Variants in ARHGEF28 observed in about 807,000 individuals in gnomAD.
ARHGEF28 encodes Rho guanine nucleotide exchange factor 28.
ARHGEF28 carries 152 observed loss-of-function variants against 206.6 expected under a neutral mutation model. The observed-to-expected ratio is 0.74, with a 90% CI of 0.64 to 0.84. The LOEUF (loss-of-function observed/expected upper bound fraction) is 0.84, where lower values mean the gene tolerates loss of function less well. Ranked by LOEUF, ARHGEF28 falls within the 40% of genes least tolerant of loss-of-function variation. The probability of loss-of-function intolerance (pLI) is 0.00; values close to 1 mark genes in which losing one functional copy is unlikely to be tolerated. For synonymous variants in ARHGEF28, 763 were observed against 776.4 expected, an observed-to-expected ratio of 0.98 and a Z score of 0.29; for missense variants, 2,028 against 2,073.2, an observed-to-expected ratio of 0.98 and a Z score of 0.42.
intron 35 of ARHGEF28, chr5:73,923,299 T>C (rs1763623106): frequency 2.5e-6 from 2 of 789,294 alleles, no homozygotes; most frequent in South Asian, 4.3e-5. Context: ...AAAAATCAAA[T>C]ACTAAATTTG....
chr5:73,738,210 T>C (rs1395395006), intron 2 of ARHGEF28, among the ~76,000 whole-genome samples: 2 of 152,066 alleles, frequency 1.3e-5, no homozygotes, highest in Non-Finnish European at 2.9e-5. Flanking sequence ...TCTTCCCCAC[T>C]AGTAGCTTGG....
intron 35 of ARHGEF28, among the ~76,000 whole-genome samples, chr5:73,929,762 G>C (rs887733359): frequency 1.3e-5 from 2 of 151,992 alleles, no homozygotes; most frequent in African/African-American, 4.8e-5. Context: ...CCTACTTAGG[G>C]TTAGCAAATA....
intron 9 of ARHGEF28, among the ~76,000 whole-genome samples, chr5:73,802,161 G>T (rs1200926724): frequency 1.3e-5 from 2 of 152,136 alleles, no homozygotes; most frequent in South Asian, 2.1e-4. Context: ...GCAAACTTTG[G>T]GGGGAAAAAG....
chr5:73,887,806 T>C, intron 26 of ARHGEF28, 127 bp downstream of exon 26: 1 of 790,908 alleles, frequency 1.3e-6, no homozygotes, highest in South Asian at 2.1e-5. Flanking sequence ...ATGTTTCCAT[T>C]ATTACTTGTG....
chr5:73,894,082 T>A (rs915617397), intron 28 of ARHGEF28, among the ~76,000 whole-genome samples: 2 of 152,202 alleles, frequency 1.3e-5, no homozygotes, highest in African/African-American at 4.8e-5. Context: ...TAATGTTTAG[T>A]CTTAATAGAA....
intron 22 of ARHGEF28, among the ~76,000 whole-genome samples, chr5:73,879,283 T>C (rs567292382): frequency 1.3e-5 from 2 of 152,344 alleles, no homozygotes; most frequent in Non-Finnish European, 2.9e-5. Flanking sequence ...CATCAGCTCC[T>C]TTAAACACTT....
At chr5:73,852,341 A>C (rs1362758926) in intron 13 of ARHGEF28, among the ~76,000 whole-genome samples, 2 of 152,222 alleles carry the variant, frequency 1.3e-5, no homozygotes, top group African/African-American at 4.8e-5. Flanking sequence ...AAAGTATCCA[A>C]AAAGATAGAG....
chr5:73,936,917 T>C (rs1764453504), intron 35 of ARHGEF28, among the ~76,000 whole-genome samples: 1 of 152,108 alleles, frequency 6.6e-6, no homozygotes, highest in Non-Finnish European at 1.5e-5. Context: ...TGCACTGAGA[T>C]GATAGTCTGG....
At chr5:73,767,520 C>CT (rs1258810567) in intron 4 of ARHGEF28, among the ~76,000 whole-genome samples, 2 of 152,114 alleles carry the variant, frequency 1.3e-5, no homozygotes, top group Admixed American at 6.5e-5. Context: ...AGCAAAGAGA[C>CT]TGACAGCATT....
At chr5:73,861,906 G>A (rs1482361168) in intron 16 of ARHGEF28, among the ~76,000 whole-genome samples, 1 of 151,958 alleles carries the variant, frequency 6.6e-6, no homozygotes, top group African/African-American at 2.4e-5. Flanking sequence ...TTCATATTAA[G>A]GTTTTTACAT....
chr5:73,798,706 GA>G (rs945562069), intron 9 of ARHGEF28, among the ~76,000 whole-genome samples: 2 of 152,144 alleles, frequency 1.3e-5, no homozygotes, highest in Non-Finnish European at 2.9e-5. Flanking sequence ...CAGAAGAAAA[GA>G]AGGTAGATGA....
At chr5:73,725,513 T>C (rs1009182555) in intron 2 of ARHGEF28, among the ~76,000 whole-genome samples, 14 of 152,254 alleles carry the variant, frequency 9.2e-5, no homozygotes, top group Admixed American at 4.6e-4. Flanking sequence ...AAGAACATTA[T>C]TGTCCTTTAC....
At chr5:73,727,334 TA>T (rs1054068182) in intron 2 of ARHGEF28, among the ~76,000 whole-genome samples, 1 of 152,180 alleles carries the variant, frequency 6.6e-6, no homozygotes, top group African/African-American at 2.4e-5. Flanking sequence ...GTGAGTGAAA[TA>T]ATCTTTTGTG....
intron 5 of ARHGEF28, 150 bp from the exon 6 acceptor site, chr5:73,776,366 A>T (rs1053829599): frequency 9.9e-6 from 6 of 607,844 alleles, no homozygotes; most frequent in African/African-American, 9.2e-5. Flanking sequence ...ATCTGTTTTT[A>T]TGATCTTATG....
intron 2 of ARHGEF28, among the ~76,000 whole-genome samples, chr5:73,715,865 C>G (rs1455582607): frequency 6.6e-6 from 1 of 152,212 alleles, no homozygotes; most frequent in Admixed American, 6.5e-5. Flanking sequence ...TTCTTTGCAT[C>G]TGGCTTTGCA....
At chr5:73,857,851 C>T (rs1449697612) in intron 15 of ARHGEF28, 72 bp downstream of exon 15, 6 of 1,500,984 alleles carry the variant, frequency 4.0e-6, no homozygotes, top group East Asian at 2.3e-5. Context: ...GTATAATTTC[C>T]ACTTTCCCTT....
At chr5:73,829,550 T>A (rs573223460) in intron 9 of ARHGEF28, among the ~76,000 whole-genome samples, 1 of 152,232 alleles carries the variant, frequency 6.6e-6, no homozygotes, top group Admixed American at 6.5e-5. Flanking sequence ...CGGCTAATTT[T>A]TTATAATTTT....
At chr5:73,872,281 TC>T (rs1760153726) in intron 21 of ARHGEF28, among the ~76,000 whole-genome samples, 1 of 152,194 alleles carries the variant, frequency 6.6e-6, no homozygotes, top group Non-Finnish European at 1.5e-5. Flanking sequence ...CATTTGTATA[TC>T]CTTTTGGAGA....
chr5:73,825,338 C>T (rs151163419), intron 9 of ARHGEF28, among the ~76,000 whole-genome samples: 6 of 152,256 alleles, frequency 3.9e-5, no homozygotes, highest in Non-Finnish European at 7.4e-5. Context: ...ATCTGCATAT[C>T]CAGGGGAAGA....
Sources: gnomAD v4.1 joint callset for allele counts (sites outside exome capture counted in the v4.1 genomes callset) on GRCh38, gnomAD v4.1.1 for gene constraint, MANE v1.5 for transcripts, NCBI Gene and HGNC (gene_info 2026-07-23, HGNC 2026-07-21) for gene names.